NRG1: variants seen among roughly 807,000 people sequenced by gnomAD.
The protein encoded by NRG1 is neuregulin 1.
Under a neutral mutation model 63.8 loss-of-function variants are expected in NRG1, and 18 were observed. That is an observed-to-expected ratio of 0.28 (90% CI 0.19 to 0.42). The LOEUF is 0.42. Among genes scored for constraint, NRG1 ranks in the 10% least tolerant of loss-of-function variants. The pLI is 1.00. For synonymous variants in NRG1, 302 were observed against 301.3 expected (o/e 1.00, Z -0.02); for missense variants, 762 against 814.7 (o/e 0.94, Z 0.79).
Position 32,548,547 on chromosome 8 carries a change from C to A in NRG1, c.-180C>A. The A allele has an allele frequency of 3.2e-6, 4 of 1,255,178 alleles. No individual in the cohort carries two copies. In the South Asian group the frequency reaches 1.2e-4, roughly 39 times the overall value. 77.8% of individuals were successfully genotyped at this position (1,255,178 alleles called of 1,614,324 possible). ...CGTTCCAGGTGGCCGGACCGCCCGC[C>A]GCGTCCGCGCCGCGCTCCCTGCAGG... On this transcript the variant is annotated 5_prime_UTR_variant, in exon 1 of 12. Coordinates refer to ENST00000356819, the Ensembl canonical transcript of NRG1.
intron 2 of NRG1, among the ~76,000 whole-genome samples, chr8:32,597,388 CTT>C (rs1843546025): frequency 6.6e-6 from 1 of 152,074 alleles, no homozygotes; most frequent in Admixed American, 6.5e-5. Context: ...TAGCTACATA[CTT>C]TATTAACTAC....
chr8:32,435,604 T>G (rs1458492296), intron 1 of NRG1, among the ~76,000 whole-genome samples: 1 of 152,204 alleles, frequency 6.6e-6, no homozygotes, highest in Non-Finnish European at 1.5e-5. Flanking sequence ...GGTAGTTCTA[T>G]AAATGTGTCT....
intron 1 of NRG1, among the ~76,000 whole-genome samples, chr8:32,536,257 G>T (rs968718162): frequency 2.0e-5 from 3 of 152,088 alleles, no homozygotes; most frequent in Admixed American, 2.0e-4. Context: ...TTGTTGGCAG[G>T]ATTAATTCGT....
At chr8:31,901,701 C>T (rs1475897494) in intron 1 of NRG1, among the ~76,000 whole-genome samples, 1 of 152,142 alleles carries the variant, frequency 6.6e-6, no homozygotes, top group East Asian at 1.9e-4. Context: ...GGTAAACAAT[C>T]CATGATCCTG....
At chr8:32,559,245 T>TAAAAGAAAAAAAAAAAAAA (rs1835845935) in intron 1 of NRG1, among the ~76,000 whole-genome samples, 1 of 96,788 alleles carries the variant, frequency 1.0e-5, no homozygotes, top group Non-Finnish European at 2.0e-5. Flanking sequence ...CTCTAAAATG[T>TAAAAGAAAAAAAAAAAAAA]AAAAAAAAAA....
At chr8:31,828,469 CAG>C in intron 1 of NRG1, among the ~76,000 whole-genome samples, 1 of 152,298 alleles carries the variant, frequency 6.6e-6, no homozygotes, top group East Asian at 1.9e-4. Context: ...GCTCTGGGCA[CAG>C]ATCTTCCTTT....
At chr8:32,416,610 G>A (rs375741426) in intron 1 of NRG1, among the ~76,000 whole-genome samples, 24 of 152,216 alleles carry the variant, frequency 1.6e-4, no homozygotes, top group African/African-American at 5.5e-4. Context: ...AGAAAATCTA[G>A]GGTTAGGGTT....
At chr8:31,893,159 A>G (rs1348094931) in intron 1 of NRG1, among the ~76,000 whole-genome samples, 2 of 150,212 alleles carry the variant, frequency 1.3e-5, no homozygotes, top group Admixed American at 6.7e-5. Flanking sequence ...GATAAATAAT[A>G]GTATAATAGA....
intron 1 of NRG1, among the ~76,000 whole-genome samples, chr8:31,934,420 C>CTTTT (rs1554580265): frequency 1.7e-4 from 18 of 108,068 alleles, no homozygotes; most frequent in African/African-American, 5.8e-4. Flanking sequence ...TATTCGCTCT[C>CTTTT]TTTTTTTTTT....
intron 1 of NRG1, among the ~76,000 whole-genome samples, chr8:32,002,068 T>C (rs1813021666): frequency 6.6e-6 from 1 of 151,998 alleles, no homozygotes. Flanking sequence ...CTGTGGGCCA[T>C]GCTGGAGTGC....
Position 31,640,076 on chromosome 8 carries a change from C to G in NRG1, c.37+645C>G. On this transcript the variant is annotated intron_variant, in intron 1 of 10. Transcript: ENST00000519301. The surrounding 1 kb of genome is among the most constrained non-coding windows in gnomAD (Gnocchi z 6.3). ...GCCGCCCGCTCGTCGCCGCCGCTGC[C>G]GCTGCTGCCACTACTGCTGCTGCTG... is the stretch of plus-strand genomic sequence containing the variant. The G allele has an allele frequency of 8.8e-7, 1 of 1,136,168 alleles. No individual in the cohort carries two copies. 70.4% of individuals were successfully genotyped at this position (1,136,168 alleles called of 1,614,324 possible).
intron 1 of NRG1, among the ~76,000 whole-genome samples, chr8:32,344,545 C>A (rs1270994492): frequency 6.7e-6 from 1 of 150,302 alleles, no homozygotes; most frequent in East Asian, 1.9e-4. Flanking sequence ...GATCTTCCCA[C>A]CTCACCTTAG....
intron 1 of NRG1, among the ~76,000 whole-genome samples, chr8:31,714,853 A>G (rs552590378): frequency 6.6e-6 from 1 of 152,330 alleles, no homozygotes; most frequent in South Asian, 2.1e-4. Context: ...CCTTGAAGAT[A>G]TGATTAAAAA....
At chr8:32,149,546 G>A (rs920221818) in intron 1 of NRG1, among the ~76,000 whole-genome samples, 6 of 152,192 alleles carry the variant, frequency 3.9e-5, no homozygotes, top group Non-Finnish European at 7.3e-5. Context: ...AGTTTATACA[G>A]AGGATTTGTG....
chr8:32,763,631 T>C, intron 11 of NRG1, 117 bp from the exon 12 acceptor site: 1 of 1,197,132 alleles, frequency 8.4e-7, no homozygotes, highest in Non-Finnish European at 1.2e-6. Flanking sequence ...CAGCCTACAA[T>C]GAATAGAAAT....
At chr8:31,704,392 A>G (rs992749092) in intron 1 of NRG1, among the ~76,000 whole-genome samples, 1 of 152,226 alleles carries the variant, frequency 6.6e-6, no homozygotes, top group Non-Finnish European at 1.5e-5. Flanking sequence ...CAGTTAAGGT[A>G]TTAAGGACTA....
intron 1 of NRG1, among the ~76,000 whole-genome samples, chr8:32,298,093 CA>C (rs1855107797): frequency 6.6e-6 from 1 of 152,146 alleles, no homozygotes; most frequent in African/African-American, 2.4e-5. Flanking sequence ...TCTTAAAGAG[CA>C]AAAGAAACTA....
At chr8:32,217,781 T>C (rs1845396392) in intron 1 of NRG1, among the ~76,000 whole-genome samples, 1 of 152,172 alleles carries the variant, frequency 6.6e-6, no homozygotes, top group Non-Finnish European at 1.5e-5. Flanking sequence ...TGTCAGCCAG[T>C]ATTCTAGACA....
chr8:32,719,547 AATG>A (rs1171397633), intron 5 of NRG1, among the ~76,000 whole-genome samples: 2 of 152,110 alleles, frequency 1.3e-5, no homozygotes, highest in Non-Finnish European at 2.9e-5. Flanking sequence ...CATAAAAATT[AATG>A]ATAACCCCTT....
Sources: allele counts gnomAD v4.1 joint callset (sites outside exome capture counted in the v4.1 genomes callset), GRCh38; gene constraint gnomAD v4.1.1; non-coding constraint Gnocchi (gnomAD v3.1); transcripts MANE v1.5; gene names NCBI Gene and HGNC (gene_info 2026-07-23, HGNC 2026-07-21).